The following PHLDB3 variants were observed in gnomAD, a reference collection of about 807,000 sequenced individuals.
The protein encoded by PHLDB3 is pleckstrin homology-like domain family B member 3.
In PHLDB3, 86 loss-of-function variants were observed where a neutral mutation model predicts 85.7. The ratio of observed to expected loss-of-function variants is 1.00; its 90% confidence interval spans 0.84 to 1.20. The LOEUF (loss-of-function observed/expected upper bound fraction) is 1.20, where lower values mean the gene tolerates loss of function less well. Among genes scored for constraint, PHLDB3 ranks in the 50% most tolerant of loss-of-function variants. The probability of loss-of-function intolerance (pLI) is 0.00; values close to 1 mark genes in which losing one functional copy is unlikely to be tolerated. For synonymous variants in PHLDB3, 376 were observed against 349.8 expected, an observed-to-expected ratio of 1.07 and a Z score of -0.83; for missense variants, 995 against 873.0, an observed-to-expected ratio of 1.14 and a Z score of -1.76.
intron 2 of PHLDB3, among the ~76,000 whole-genome samples, chr19:43,503,280 GTCTCTCTCTCTCTCTC>G (rs57901463): frequency 7.7e-5 from 11 of 141,990 alleles, no homozygotes; most frequent in East Asian, 2.1e-4. Context: ...TGTCTATCTG[GTCTCTCTCTCTCTCTC>G]TCTCTCTCTC....
chr19:43,491,105 C>T (rs1379487049), intron 9 of PHLDB3, among the ~76,000 whole-genome samples: 1 of 152,176 alleles, frequency 6.6e-6, no homozygotes, highest in Non-Finnish European at 1.5e-5. Context: ...GTGACAACTC[C>T]ATAGGACTGG....
In PHLDB3 at chr19:43,487,591, A is replaced by AAAAAAAAAAAAAAAAAAAAAAAC. The variant is rs1167897767; in HGVS notation, c.1150-469_1150-468insGTTTTTTTTTTTTTTTTTTTTTT. ...CTCTGTCTCAAAAAAAAAAAAAAAA[A>AAAAAAAAAAAAAAAAAAAAAAAC]ACACAGAAAAGAAAAAAAGAAATGT... On this transcript the variant is annotated intron_variant, in intron 9 of 15. Coordinates refer to ENST00000292140, the MANE Select transcript of PHLDB3 (RefSeq NM_198850.4). Among the ~76,000 whole-genome samples the AAAAAAAAAAAAAAAAAAAAAAAC allele has an allele frequency of 3.7e-4, 43 of 115,796 alleles. 2 individuals are homozygous for AAAAAAAAAAAAAAAAAAAAAAAC. The highest frequency in any genetic ancestry group is 5.6e-4 in the Non-Finnish European group (29 of 51,434). 76.0% of individuals were successfully genotyped at this position (115,796 alleles called of 152,430 possible). A position where few individuals can be genotyped will look rare whatever the true frequency, so the allele number is the denominator to read the frequency against.
intron 9 of PHLDB3, among the ~76,000 whole-genome samples, chr19:43,491,698 G>A (rs1187906221): frequency 6.8e-6 from 1 of 146,908 alleles, no homozygotes; most frequent in Non-Finnish European, 1.5e-5. Flanking sequence ...ACAAGGTCTC[G>A]CTCTGTTGCC....
intron 4 of PHLDB3, among the ~76,000 whole-genome samples, chr19:43,498,155 T>G (rs1050787198): frequency 6.6e-5 from 10 of 152,012 alleles, no homozygotes; most frequent in African/African-American, 2.4e-4. Context: ...CTGGGCAACA[T>G]AGGGGGAGCC....
chr19:43,498,066 G>A (rs1971506608), intron 4 of PHLDB3, among the ~76,000 whole-genome samples, 190 bp from the exon 5 acceptor site: 1 of 152,092 alleles, frequency 6.6e-6, no homozygotes, highest in Non-Finnish European at 1.5e-5. Context: ...GGCCAGGTGT[G>A]GTGGCCCACA....
intron 4 of PHLDB3, among the ~76,000 whole-genome samples, chr19:43,499,482 C>T (rs1971539118): frequency 6.6e-6 from 1 of 151,990 alleles, no homozygotes; most frequent in African/African-American, 2.4e-5. Context: ...ATTTCTGGAT[C>T]TGGGTGAGAA....
intron 13 of PHLDB3, among the ~76,000 whole-genome samples, chr19:43,481,921 A>G (rs892993078): frequency 2.0e-5 from 3 of 152,014 alleles, no homozygotes; most frequent in Admixed American, 1.3e-4. Flanking sequence ...AGGATTAGGG[A>G]GGAGGGAAAG....
chr19:43,503,211 C>A (rs771931993), intron 2 of PHLDB3, among the ~76,000 whole-genome samples: 12 of 151,754 alleles, frequency 7.9e-5, no homozygotes, highest in Non-Finnish European at 1.6e-4. Context: ...TGTCTGGCTT[C>A]TTGATCTCTC....
intron 9 of PHLDB3, among the ~76,000 whole-genome samples, chr19:43,487,816 T>C (rs1218504516): frequency 2.0e-5 from 3 of 151,966 alleles, no homozygotes; most frequent in Non-Finnish European, 4.4e-5. Flanking sequence ...AATGAATGAA[T>C]TGTATAGGGA....
intron 9 of PHLDB3, among the ~76,000 whole-genome samples, chr19:43,491,921 C>T (rs1248080902): frequency 1.4e-5 from 2 of 143,158 alleles, no homozygotes; most frequent in African/African-American, 5.2e-5. Flanking sequence ...CTAGGATTAC[C>T]AGCGTGAGCC....
intron 13 of PHLDB3, among the ~76,000 whole-genome samples, chr19:43,481,847 AG>A (rs1316245440): frequency 6.6e-6 from 1 of 151,624 alleles, no homozygotes; most frequent in South Asian, 2.1e-4. Context: ...CAGAGCAAGA[AG>A]GGATGAGAAA....
At chr19:43,485,048 T>C (rs1169940729) in intron 13 of PHLDB3, among the ~76,000 whole-genome samples, 2 of 151,830 alleles carry the variant, frequency 1.3e-5, no homozygotes, top group East Asian at 3.9e-4. Context: ...AAAATATATA[T>C]ACCTAGTACA....
chr19:43,503,914 G>C lies in PHLDB3; in HGVS notation c.205C>G (p.Arg69Gly), dbSNP rs1047493933. 6.2e-7 allele frequency: 1 copy of C among 1,613,688 alleles called. No homozygotes were observed. Among genetic ancestry groups the C allele is most frequent in the Admixed American group, 1.7e-5 (1 of 60,000 alleles). ...GCCCTCGGGCCCCTCACCGCGTCGC[G>C]GCTGCTCTCAGTGCTGCTGCCTTCT... The part of the protein sequence containing the change: ...VGEGSSTESS[R>G]DAPEATPPIA... Residue 69 changes from arginine to glycine, a missense_variant, in exon 2 of 16, where the codon CGC becomes GGC. Physicochemically the swap from Arg to Gly is moderately radical, Grantham distance 125. Transcript: ENST00000292140.
chr19:43,487,591 A>AAAAAAAAAAACAAAAAAAAAAC (rs1167897767), intron 9 of PHLDB3, among the ~76,000 whole-genome samples: 1 of 115,770 alleles, frequency 8.6e-6, no homozygotes, highest in African/African-American at 3.1e-5. Flanking sequence ...AAAAAAAAAA[A>AAAAAAAAAAACAAAAAAAAAAC]ACACAGAAAA....
intron 8 of PHLDB3, 150 bp from the exon 9 acceptor site, chr19:43,494,965 C>A: frequency 1.5e-6 from 1 of 659,388 alleles, no homozygotes. Context: ...CGTGTCCAGT[C>A]TCCCAATGTA....
At chr19:43,503,306 C>A (rs1483182068) in intron 2 of PHLDB3, among the ~76,000 whole-genome samples, 1 of 109,514 alleles carries the variant, frequency 9.1e-6, no homozygotes, top group Non-Finnish European at 1.9e-5. Context: ...CTCTCTCTCT[C>A]TCTCTCTCTC....
intron 15 of PHLDB3, among the ~76,000 whole-genome samples, chr19:43,476,404 G>A (rs1970928837): frequency 6.6e-6 from 1 of 152,140 alleles, no homozygotes; most frequent in African/African-American, 2.4e-5. Flanking sequence ...CAGCACTTTG[G>A]GAGGTTGAAG....
chr19:43,498,390 A>G (rs2682550), intron 4 of PHLDB3, among the ~76,000 whole-genome samples: 2 of 150,016 alleles, frequency 1.3e-5, no homozygotes, highest in African/African-American at 2.4e-5. Flanking sequence ...GAAAGAGGGA[A>G]GGAACGAAGG....
intron 9 of PHLDB3, 46 bp downstream of exon 9, chr19:43,494,656 C>G (rs1341115116): frequency 6.8e-7 from 1 of 1,465,128 alleles, no homozygotes; most frequent in South Asian, 1.2e-5. Flanking sequence ...TCCCTCCTCA[C>G]TGACCAATAA....
Sources: gnomAD v4.1 joint callset for allele counts (sites outside exome capture counted in the v4.1 genomes callset) on GRCh38, gnomAD v4.1.1 for gene constraint, MANE v1.5 for transcripts, NCBI Gene and HGNC (gene_info 2026-07-23, HGNC 2026-07-21) for gene names.